The following ARHGEF11 variants were observed in gnomAD, a reference collection of about 807,000 sequenced individuals.
ARHGEF11 encodes the protein Rho guanine exchange factor (GEF) 11.
ARHGEF11 carries 55 observed loss-of-function variants against 193.7 expected under a neutral mutation model. The observed-to-expected ratio is 0.28, with a 90% CI of 0.23 to 0.36. ARHGEF11 has a LOEUF of 0.36. Among genes scored for constraint, ARHGEF11 ranks in the 10% least tolerant of loss-of-function variants. The pLI, the probability that ARHGEF11 is intolerant of heterozygous loss-of-function variation, is 1.00. For missense variants in ARHGEF11, 1,723 were observed against 2,005.6 expected, an observed-to-expected ratio of 0.86 and a Z score of 2.69; for synonymous variants, 693 against 768.0, an observed-to-expected ratio of 0.90 and a Z score of 1.62.
At chr1:156,974,698 C>T (rs1168914928) in intron 7 of ARHGEF11, among the ~76,000 whole-genome samples, 4 of 152,204 alleles carry the variant, frequency 2.6e-5, no homozygotes, top group African/African-American at 9.6e-5. Flanking sequence ...CTGGCAACCA[C>T]TGATCTACTT....
At position 156,944,952 on chromosome 1, in the gene ARHGEF11, C is replaced by A. The variant is rs1657841715; in HGVS notation, c.2991+67G>T. ...CCTCTAAGACTCTCCAAGCCCTGAC[C>A]AGTGTTCTGCTCCTAAGGGTACCCA... On this transcript the variant is annotated intron_variant, in intron 30 of 40. Coordinates refer to ENST00000368194, the MANE Select transcript of ARHGEF11 (RefSeq NM_198236.3). The A allele has an allele frequency of 3.2e-6, 5 of 1,560,094 alleles. No homozygotes were observed. The Admixed American group carries it at 9.2e-5, about 29-fold the overall frequency.
intron 1 of ARHGEF11, among the ~76,000 whole-genome samples, chr1:156,987,425 A>T (rs1325569793): frequency 6.6e-6 from 1 of 152,252 alleles, no homozygotes; most frequent in African/African-American, 2.4e-5. Flanking sequence ...TGGACAGTTT[A>T]AAAAAGTGAG....
At chr1:156,992,859 GA>G (rs1469407406) in intron 1 of ARHGEF11, among the ~76,000 whole-genome samples, 1 of 152,086 alleles carries the variant, frequency 6.6e-6, no homozygotes, top group Non-Finnish European at 1.5e-5. Context: ...ATACGAGTTC[GA>G]ACTTAAGGTG....
intron 1 of ARHGEF11, among the ~76,000 whole-genome samples, chr1:157,023,765 CAAAAAAA>C (rs34617659): frequency 2.4e-5 from 3 of 124,552 alleles, no homozygotes; most frequent in Admixed American, 8.3e-5. Flanking sequence ...GACTCCATCT[CAAAAAAA>C]AAAAAAAAAG....
chr1:156,958,817 A>C lies in ARHGEF11; in HGVS notation c.1427T>G (p.Leu476Arg). The C allele has an allele frequency of 6.2e-7, 1 of 1,614,250 alleles. No homozygotes were observed. The highest frequency in any genetic ancestry group is 8.5e-7 in the Non-Finnish European group (1 of 1,180,042). ...GAGAGGGTCCCCATCCAGGTCCAGCAGGTCATTTTCACCATACAGGCTGCC... is the reference window on the plus strand; with the variant it reads ...GAGAGGGTCCCCATCCAGGTCCAGCCGGTCATTTTCACCATACAGGCTGCC... ...GLGSLYGEND[L>R]LDLDGDPLRE... The change falls in exon 17 of 41, where the codon CTG (leucine) becomes CGG (arginine). Residue 476 changes from leucine to arginine, a missense_variant. Leu to Arg is a moderately radical substitution (Grantham distance 102). Transcript: ENST00000368194.
chr1:157,032,285 G>A (rs1231189167), intron 1 of ARHGEF11, among the ~76,000 whole-genome samples: 1 of 152,204 alleles, frequency 6.6e-6, no homozygotes, highest in Non-Finnish European at 1.5e-5. Flanking sequence ...ATTCCCAGCA[G>A]AGTAGAGCCA....
In ARHGEF11 at chr1:156,950,308, A is replaced by G. The variant is rs566311838; in HGVS notation, c.1925+1265T>C. Among the ~76,000 whole-genome samples the G allele has an allele frequency of 2.6e-4, 39 of 152,258 alleles. No homozygotes were observed. In the South Asian group the frequency reaches 7.9e-3, roughly 31 times the overall value. ...AAGGAGTAACCTGCATTCAAGCAGG[A>G]AAGGTTGGCTTATGGTTTGATAATT... is the stretch of plus-strand genomic sequence containing the variant. On this transcript the variant is annotated intron_variant, in intron 22 of 40. Coordinates refer to ENST00000368194, the MANE Select transcript of ARHGEF11 (RefSeq NM_198236.3).
At position 156,963,414 on chromosome 1, in the gene ARHGEF11, C is replaced by T. The variant is rs867772886; in HGVS notation, c.1038+106G>A. ...CCTGGGTTCATAACAGGAGGCTCCCCGCCTCAAGTTCCCTTCACAGCTGAT... is the reference window on the plus strand; with the variant it reads ...CCTGGGTTCATAACAGGAGGCTCCCTGCCTCAAGTTCCCTTCACAGCTGAT... On this transcript the variant is annotated intron_variant, in intron 12 of 40. Coordinates refer to ENST00000368194, the MANE Select transcript of ARHGEF11 (RefSeq NM_198236.3). The T allele has an allele frequency of 1.6e-4, 230 of 1,483,038 alleles. No homozygotes were observed. The South Asian group carries it at 1.6e-3, about 10-fold the overall frequency. The allele number at this position is 1,483,038 out of a possible 1,614,324, so 91.9% of individuals were successfully genotyped here.
intron 1 of ARHGEF11, among the ~76,000 whole-genome samples, chr1:156,991,350 C>T (rs12120457): frequency 0.2 from 29,697 of 152,130 alleles, 3,045 homozygotes; most frequent in East Asian, 0.33. Context: ...GACAGGGTTT[C>T]ACTCCGTCGC....
At chr1:157,025,670 C>T (rs1479945635) in intron 1 of ARHGEF11, among the ~76,000 whole-genome samples, 1 of 152,160 alleles carries the variant, frequency 6.6e-6, no homozygotes, top group Admixed American at 6.5e-5. Context: ...GCGGGCTCCC[C>T]TGTTAATTAC....
intron 11 of ARHGEF11, among the ~76,000 whole-genome samples, chr1:156,964,269 T>C (rs1661394547): frequency 6.6e-6 from 1 of 152,190 alleles, no homozygotes; most frequent in Non-Finnish European, 1.5e-5. Context: ...AAAAACCTAA[T>C]CTTAATGGAC....
intron 29 of ARHGEF11, 57 bp from the exon 30 acceptor site, chr1:156,945,254 C>T (rs772004660): frequency 2.1e-5 from 33 of 1,560,432 alleles, no homozygotes; most frequent in African/African-American, 6.8e-5. Flanking sequence ...TCCAACATGG[C>T]GCCAGCTGTT....
In ARHGEF11 at chr1:156,960,473, A is replaced by G. The variant is rs1660667245; in HGVS notation, c.1240-13T>C. On this transcript the variant is annotated splice_polypyrimidine_tract_variant and intron_variant, in intron 14 of 40. Coordinates refer to ENST00000368194, the MANE Select transcript of ARHGEF11 (RefSeq NM_198236.3). The stretch of plus-strand genomic sequence containing the variant: ...TCACTCTCAGAGGCTAAAAAACAGA[A>G]GTGTGGAGCAGAAGCAGTCAGGTCT... 6.2e-7 allele frequency: 1 copy of G among 1,613,898 alleles called. No individual in the cohort carries two copies. The highest frequency in any genetic ancestry group is 1.7e-5 in the Admixed American group (1 of 59,996).
chr1:157,028,093 C>T (rs1670867304), intron 1 of ARHGEF11, among the ~76,000 whole-genome samples: 1 of 152,138 alleles, frequency 6.6e-6, no homozygotes, highest in Non-Finnish European at 1.5e-5. Context: ...CTTGGCTCAG[C>T]CCAATCAACC....
At position 157,036,228 on chromosome 1, in the gene ARHGEF11, A is replaced by G. The variant is rs551975100; in HGVS notation, c.32+8071T>C. ...ATACATATATATATATGGCTGATTA[A>G]TCAGGATCCATCAAATACATGCTAA... is the stretch of plus-strand genomic sequence containing the variant. On this transcript the variant is annotated intron_variant, in intron 1 of 40. Coordinates refer to ENST00000368194, the MANE Select transcript of ARHGEF11 (RefSeq NM_198236.3). 6.8e-5 allele frequency among the ~76,000 whole-genome samples: 10 copies of G among 146,612 alleles called. No individual in the cohort carries two copies. In the East Asian group the frequency reaches 2.0e-3, roughly 29 times the overall value.
intron 7 of ARHGEF11, among the ~76,000 whole-genome samples, chr1:156,974,831 T>C (rs1663036683): frequency 6.6e-6 from 1 of 152,232 alleles, no homozygotes; most frequent in African/African-American, 2.4e-5. Flanking sequence ...TGTTGTAGCA[T>C]TTATTAGTAC....
At chr1:156,959,263 T>C in intron 15 of ARHGEF11, 121 bp from the exon 16 acceptor site, 1 of 783,104 alleles carries the variant, frequency 1.3e-6, no homozygotes, top group Non-Finnish European at 2.1e-6. Flanking sequence ...GGGCTGGCTT[T>C]CTGCCCTGTT....
At chr1:156,962,055 C>T (rs1454710093) in intron 13 of ARHGEF11, among the ~76,000 whole-genome samples, 1 of 152,206 alleles carries the variant, frequency 6.6e-6, no homozygotes, top group East Asian at 1.9e-4. Flanking sequence ...TCCCCACCCC[C>T]TTTCCCACGG....
chr1:156,948,570 T>C lies in ARHGEF11; in HGVS notation c.1926-72A>G, dbSNP rs746125665. 1.2e-6 allele frequency: 2 copies of C among 1,612,914 alleles called. No homozygotes were observed. Among genetic ancestry groups the C allele is most frequent in the East Asian group, 2.2e-5 (1 of 44,892 alleles). On this transcript the variant is annotated intron_variant, in intron 22 of 40. Transcript: ENST00000368194. The surrounding 1 kb of genome is among the most constrained non-coding windows in gnomAD (Gnocchi z 4.2). ...CCATGCTTACATCCTGGCTAACTCT[T>C]ACCTGTGGCTCCATCTCAAAGATGC...
Sources: allele counts gnomAD v4.1 joint callset (sites outside exome capture counted in the v4.1 genomes callset), GRCh38; gene constraint gnomAD v4.1.1; non-coding constraint Gnocchi (gnomAD v3.1); transcripts MANE v1.5; gene names NCBI Gene and HGNC (gene_info 2026-07-23, HGNC 2026-07-21).